Variants in FHOD3 observed in about 807,000 individuals in gnomAD.
FHOD3 encodes the protein formin homology 2 domain containing 3.
Under a neutral mutation model 173.0 loss-of-function variants are expected in FHOD3, and 90 were observed. That is an observed-to-expected ratio of 0.52 (90% CI 0.44 to 0.62). The LOEUF is 0.62. Ranked by LOEUF, FHOD3 falls within the 20% of genes least tolerant of loss-of-function variation. The pLI is 0.00. For missense variants in FHOD3, 1,945 were observed against 2,034.7 expected (o/e 0.96, Z 0.85); for synonymous variants, 828 against 823.0 (o/e 1.01, Z -0.10).
chr18:36,686,969 C>A (rs1005180331), intron 15 of FHOD3, among the ~76,000 whole-genome samples, 159 bp from the exon 16 acceptor site: 6 of 152,150 alleles, frequency 3.9e-5, no homozygotes, highest in Non-Finnish European at 7.4e-5. Context: ...TTTTGAAGTA[C>A]AGGCTTTAAA....
At chr18:36,699,375 A>T (rs984486142) in intron 17 of FHOD3, among the ~76,000 whole-genome samples, 5 of 152,194 alleles carry the variant, frequency 3.3e-5, no homozygotes, top group African/African-American at 1.2e-4. Context: ...GCATCTGGAG[A>T]CACTCACAGA....
chr18:36,458,114 A>G lies in FHOD3; in HGVS notation c.338-43818A>G, dbSNP rs574227010. Among the ~76,000 whole-genome samples the G allele has an allele frequency of 3.0e-4, 45 of 152,206 alleles. No homozygotes were observed. The South Asian group carries it at 5.8e-3, about 20-fold the overall frequency. On this transcript the variant is annotated intron_variant, in intron 3 of 28. Transcript: ENST00000590592. ...CTCTTCCCACCCACCTATATCAGAA[A>G]GGGTTCTGGATTAAACCAAGTATGG...
At chr18:36,319,380 G>C (rs962924506) in intron 1 of FHOD3, among the ~76,000 whole-genome samples, 3 of 152,144 alleles carry the variant, frequency 2.0e-5, no homozygotes, top group African/African-American at 7.2e-5. Flanking sequence ...AAGATCAAAA[G>C]AGACAAAGAA....
intron 13 of FHOD3, among the ~76,000 whole-genome samples, chr18:36,654,829 A>C (rs898017283): frequency 1.3e-5 from 2 of 152,148 alleles, no homozygotes. Context: ...AGTGCCCCAC[A>C]CTGATTCCAC....
chr18:36,692,851 G>C, intron 16 of FHOD3: 1 of 252,422 alleles, frequency 4.0e-6, no homozygotes, highest in South Asian at 5.6e-5. Flanking sequence ...GCTCCGAGGG[G>C]GTTTGGTTTT....
chr18:36,732,874 G>A (rs1447834889), intron 20 of FHOD3, among the ~76,000 whole-genome samples: 1 of 152,202 alleles, frequency 6.6e-6, no homozygotes, highest in South Asian at 2.1e-4. Flanking sequence ...ACCCAGTGAC[G>A]GATGAGAGAC....
intron 5 of FHOD3, among the ~76,000 whole-genome samples, chr18:36,520,147 C>T (rs560971453): frequency 2.5e-4 from 38 of 151,882 alleles, no homozygotes; most frequent in African/African-American, 8.0e-4. Context: ...TTTGTAAAGA[C>T]GAGGTCTTAC....
chr18:36,476,054 TATTGA>T (rs1568322273), intron 3 of FHOD3, among the ~76,000 whole-genome samples: 2 of 152,224 alleles, frequency 1.3e-5, no homozygotes, highest in Non-Finnish European at 2.9e-5. Flanking sequence ...ATTATTATTA[TATTGA>T]ATTTATGAAG....
chr18:36,456,913 C>G (rs943717011), intron 3 of FHOD3, among the ~76,000 whole-genome samples: 11 of 152,104 alleles, frequency 7.2e-5, no homozygotes, highest in Non-Finnish European at 1.5e-4. Flanking sequence ...AAGTATTCAC[C>G]TTTTAAGGAA....
At chr18:36,623,352 C>G (rs985321540) in intron 9 of FHOD3, among the ~76,000 whole-genome samples, 10 of 152,286 alleles carry the variant, frequency 6.6e-5, no homozygotes, top group Admixed American at 2.0e-4. Flanking sequence ...GAAGCAGAAT[C>G]AACACATCAG....
intron 5 of FHOD3, among the ~76,000 whole-genome samples, chr18:36,541,472 C>T (rs1216762405): frequency 6.6e-6 from 1 of 151,882 alleles, no homozygotes; most frequent in African/African-American, 2.4e-5. Flanking sequence ...CACCAGGATC[C>T]CTTGAGCACA....
intron 1 of FHOD3, among the ~76,000 whole-genome samples, chr18:36,343,410 A>C (rs903957488): frequency 2.6e-5 from 4 of 152,202 alleles, no homozygotes; most frequent in African/African-American, 7.2e-5. Flanking sequence ...CAGTCACAAA[A>C]GACCACTGCT....
rs2054128351 is a variant in FHOD3, at chr18:36,485,131, T to G, written c.338-16801T>G. 3.9e-5 allele frequency among the ~76,000 whole-genome samples: 5 copies of G among 128,894 alleles called. No individual in the cohort carries two copies. The South Asian group carries it at 1.4e-3, about 37-fold the overall frequency. 84.6% of individuals were successfully genotyped at this position (128,894 alleles called of 152,430 possible). Reference sequence around the variant, plus strand: ...TCACAGCCAACAAGAACTTCATCTCTTGTGAATGTATCTTAAGTTCCCCTT... The same window carrying G: ...TCACAGCCAACAAGAACTTCATCTCGTGTGAATGTATCTTAAGTTCCCCTT... On this transcript the variant is annotated intron_variant, in intron 3 of 28. Transcript: ENST00000590592.
intron 4 of FHOD3, among the ~76,000 whole-genome samples, chr18:36,507,145 T>A (rs1190705088): frequency 6.6e-6 from 1 of 152,238 alleles, no homozygotes; most frequent in African/African-American, 2.4e-5. Flanking sequence ...TGTAGGAAAA[T>A]GATTGCATAT....
chr18:36,709,327 G>A lies in FHOD3; in HGVS notation c.2469G>A (p.Ser823=), dbSNP rs763126578. ...ERDNCSASSV[S]SSSSTLEREE... ...ACAACTGCTCTGCCTCCAGCGTCTCGTCCTCCAGCAGCACGTTGGAGAGGG... is the reference window on the plus strand; with the variant it reads ...ACAACTGCTCTGCCTCCAGCGTCTCATCCTCCAGCAGCACGTTGGAGAGGG... The change falls in exon 18 of 29, where the codon TCG becomes TCA. Residue 823 remains serine (S), a synonymous_variant. Coordinates refer to ENST00000590592, the MANE Select transcript of FHOD3 (RefSeq NM_001281740.3). 124 of 1,614,128 alleles carry A rather than the reference G, an allele frequency of 7.7e-5. No homozygotes were observed. Among genetic ancestry groups the A allele is most frequent in the Middle Eastern group, 3.3e-4 (2 of 6,082 alleles).
Position 36,501,201 on chromosome 18 carries a change from A to AGTGG in FHOD3, c.338-729_338-726dup, listed in dbSNP as rs1197096871. ...AAGTCTTCAGCCAGAGAATTCCAAG[A>AGTGG]GTGGGATCTTTCATCTGCCTTGCCC... is the stretch of plus-strand genomic sequence containing the variant. On this transcript the variant is annotated intron_variant, in intron 3 of 28. Transcript: ENST00000590592. Among the ~76,000 whole-genome samples the AGTGG allele has an allele frequency of 2.0e-5, 3 of 152,192 alleles. 1 individual carries two copies. Among genetic ancestry groups the AGTGG allele is most frequent in the African/African-American group, 4.8e-5 (2 of 41,454 alleles).
At chr18:36,561,963 ATTGT>A (rs2058097936) in intron 5 of FHOD3, among the ~76,000 whole-genome samples, 2 of 54,476 alleles carry the variant, frequency 3.7e-5, no homozygotes, top group East Asian at 1.2e-3. Flanking sequence ...TACACTGTGT[ATTGT>A]ATTGTATTGT....
intron 19 of FHOD3, among the ~76,000 whole-genome samples, chr18:36,722,481 G>T (rs1248449876): frequency 6.6e-6 from 1 of 152,188 alleles, no homozygotes; most frequent in Admixed American, 6.5e-5. Context: ...TTTGTCATAG[G>T]GAGGGAGCCC....
rs1205354763 is a variant in FHOD3 at position 36,767,214 on chromosome 18, T to G, written c.4625-2051T>G. Among the ~76,000 whole-genome samples the G allele has an allele frequency of 2.6e-5, 4 of 152,226 alleles. 1 individual carries two copies. The highest frequency in any genetic ancestry group is 2.6e-4 in the Admixed American group (4 of 15,288). On this transcript the variant is annotated intron_variant, in intron 27 of 28. Transcript: ENST00000590592. Reference sequence around the variant, plus strand: ...CCTAATAGCAAGTAGATCAAGTTCCTTTGGGTATAAGCACAAAAAGTACAA... The same window carrying G: ...CCTAATAGCAAGTAGATCAAGTTCCGTTGGGTATAAGCACAAAAAGTACAA...
Sources: gnomAD v4.1 joint callset for allele counts (sites outside exome capture counted in the v4.1 genomes callset) on GRCh38, gnomAD v4.1.1 for gene constraint, MANE v1.5 for transcripts, NCBI Gene and HGNC (gene_info 2026-07-23, HGNC 2026-07-21) for gene names.